EXOC2: variants seen among roughly 807,000 people sequenced by gnomAD.
EXOC2 encodes the protein exocyst complex component 2.
In EXOC2, 70 loss-of-function variants were observed where a neutral mutation model predicts 131.8. That is an observed-to-expected ratio of 0.53 (90% CI 0.44 to 0.65). The LOEUF (loss-of-function observed/expected upper bound fraction) is 0.65. Ranked by LOEUF, EXOC2 falls within the 30% of genes least tolerant of loss-of-function variation. The pLI, the probability that EXOC2 is intolerant of heterozygous loss-of-function variation, is 0.00. For missense variants in EXOC2, 923 were observed against 1,108.6 expected (o/e 0.83, Z 2.38); for synonymous variants, 411 against 398.4 (o/e 1.03, Z -0.38).
rs1391707317 is a variant in EXOC2 at position 488,964 on chromosome 6, G to C, written c.2681+15C>G. ...CACATTCAACTGGCTCCTAAGAACA[G>C]CACACAGGACTTACTTTTTATCTGC... On this transcript the variant is annotated intron_variant, in intron 27 of 27. Transcript: ENST00000230449. 1.1e-5 allele frequency: 18 copies of C among 1,613,164 alleles called. No homozygotes were observed. The highest frequency in any genetic ancestry group is 1.4e-5 in the Non-Finnish European group (16 of 1,179,484).
chr6:536,536 T>C (rs1766456155), intron 22 of EXOC2, among the ~76,000 whole-genome samples: 1 of 152,120 alleles, frequency 6.6e-6, no homozygotes, highest in Non-Finnish European at 1.5e-5. Context: ...CTTTTCTTGG[T>C]AAAAATTCAC....
At chr6:490,041 C>T (rs1171190160) in intron 26 of EXOC2, among the ~76,000 whole-genome samples, 3 of 152,210 alleles carry the variant, frequency 2.0e-5, no homozygotes, top group Admixed American at 6.5e-5. Context: ...CTGCCGCTAC[C>T]TCCACCATCA....
chr6:604,001 A>G (rs1760256699), intron 7 of EXOC2, among the ~76,000 whole-genome samples: 1 of 152,206 alleles, frequency 6.6e-6, no homozygotes, highest in African/African-American at 2.4e-5. Context: ...CATGGGTATT[A>G]GTTCACCTGC....
chr6:644,446 T>G (rs868592729), intron 1 of EXOC2, among the ~76,000 whole-genome samples: 4 of 152,104 alleles, frequency 2.6e-5, no homozygotes, highest in African/African-American at 9.7e-5. Flanking sequence ...AACAGTAACA[T>G]AGAAAAGATA....
At chr6:534,571 G>C (rs1174146140) in intron 22 of EXOC2, among the ~76,000 whole-genome samples, 5 of 152,136 alleles carry the variant, frequency 3.3e-5, no homozygotes, top group Non-Finnish European at 7.3e-5. Flanking sequence ...TGAAATCACT[G>C]GATTAAAATC....
chr6:589,595 A>AT (rs748684672), intron 11 of EXOC2, among the ~76,000 whole-genome samples: 3 of 152,084 alleles, frequency 2.0e-5, no homozygotes, highest in South Asian at 2.1e-4. Context: ...TGCCTATGTG[A>AT]TTTTTTAGAT....
intron 1 of EXOC2, among the ~76,000 whole-genome samples, chr6:663,012 T>C (rs1467525354): frequency 6.7e-6 from 1 of 148,918 alleles, no homozygotes; most frequent in African/African-American, 2.5e-5. Context: ...CAAATCCTGG[T>C]TCTTTGAAAA....
chr6:656,148 T>G, intron 1 of EXOC2: 1 of 1,613,930 alleles, frequency 6.2e-7, no homozygotes, highest in Non-Finnish European at 8.5e-7. Flanking sequence ...GACATCTTCT[T>G]GAACCAAAAC....
intron 7 of EXOC2, among the ~76,000 whole-genome samples, chr6:604,590 C>G (rs1760292668): frequency 6.6e-6 from 1 of 152,172 alleles, no homozygotes; most frequent in African/African-American, 2.4e-5. Context: ...CACACTACTG[C>G]ACAGCCAGTT....
At chr6:603,437 T>C (rs6597133) in intron 7 of EXOC2, among the ~76,000 whole-genome samples, 13,606 of 152,152 alleles carry the variant, frequency 0.089, 1,042 homozygotes, top group African/African-American at 0.21. Flanking sequence ...ACACTCTGTG[T>C]GGAGTAGATG....
intron 4 of EXOC2, among the ~76,000 whole-genome samples, chr6:627,243 CAAAAAAAA>C (rs144043704): frequency 8.4e-6 from 1 of 118,962 alleles, no homozygotes; most frequent in African/African-American, 3.2e-5. Flanking sequence ...TGACAGTATC[CAAAAAAAA>C]AAAAAAAAAA....
chr6:611,153 G>C (rs1291510005), intron 6 of EXOC2, among the ~76,000 whole-genome samples: 1 of 152,234 alleles, frequency 6.6e-6, no homozygotes, highest in Non-Finnish European at 1.5e-5. Context: ...GAAACGGAAA[G>C]GAACTTCCTT....
chr6:686,807 G>A lies in EXOC2; in HGVS notation c.-44+6212C>T, dbSNP rs866444136. On this transcript the variant is annotated intron_variant, in intron 1 of 27. Coordinates refer to ENST00000230449, the MANE Select transcript of EXOC2 (RefSeq NM_018303.6). ...AAAGGCTGCAGGTCTAAAGGTGACT[G>A]GACTTCCAACCGATGCCACTGGACA... Among the ~76,000 whole-genome samples, 15 of 152,322 alleles carry A rather than the reference G, an allele frequency of 9.8e-5. No homozygotes were observed. In the South Asian group the frequency reaches 1.4e-3, roughly 15 times the overall value.
chr6:676,457 ACT>A (rs1202681646), intron 1 of EXOC2, among the ~76,000 whole-genome samples: 1 of 190 alleles, frequency 5.3e-3, no homozygotes. Context: ...TCCTCTGGTG[ACT>A]CTGCGGTTCC....
intron 23 of EXOC2, among the ~76,000 whole-genome samples, chr6:520,680 C>T (rs1444407867): frequency 6.5e-5 from 7 of 107,958 alleles, no homozygotes; most frequent in Non-Finnish European, 3.6e-5. Context: ...AACCACCCAC[C>T]GAGCGCCGAC....
At chr6:612,823 T>G (rs2127667641) in intron 6 of EXOC2, among the ~76,000 whole-genome samples, 1 of 152,302 alleles carries the variant, frequency 6.6e-6, no homozygotes, top group East Asian at 1.9e-4. Flanking sequence ...TTTACCCCAG[T>G]GTACCATAAC....
intron 11 of EXOC2, among the ~76,000 whole-genome samples, chr6:583,294 G>C (rs1759016513): frequency 6.6e-6 from 1 of 152,102 alleles, no homozygotes; most frequent in Admixed American, 6.5e-5. Flanking sequence ...TGAAGGATGG[G>C]GACAAGTTTA....
chr6:602,550 T>C (rs1416012757), intron 7 of EXOC2, among the ~76,000 whole-genome samples: 1 of 152,128 alleles, frequency 6.6e-6, no homozygotes, highest in African/African-American at 2.4e-5. Flanking sequence ...GGTTTGAACA[T>C]CAGTGTCCAA....
rs993684158 is a variant in EXOC2, at chr6:494,246, C to T, written c.2560-3060G>A. Reference sequence around the variant, plus strand: ...CAAGTGCTCTCTGCTCTTTTTCTTTCCCAAATATGTATTTTGAAAAAATTT... The same window carrying T: ...CAAGTGCTCTCTGCTCTTTTTCTTTTCCAAATATGTATTTTGAAAAAATTT... On this transcript the variant is annotated intron_variant, in intron 25 of 27. Transcript: ENST00000230449. Among the ~76,000 whole-genome samples, 12 of 152,140 alleles carry T rather than the reference C, an allele frequency of 7.9e-5. No homozygotes were observed. In the East Asian group the frequency reaches 2.1e-3, roughly 27 times the overall value.
Sources: allele counts gnomAD v4.1 joint callset (sites outside exome capture counted in the v4.1 genomes callset), GRCh38; gene constraint gnomAD v4.1.1; transcripts MANE v1.5; gene names NCBI Gene and HGNC (gene_info 2026-07-23, HGNC 2026-07-21).